The following CNBD1 variants were observed in gnomAD, a reference collection of about 807,000 sequenced individuals.
CNBD1 encodes cyclic nucleotide binding domain containing 1.
In CNBD1, 71 loss-of-function variants were observed where a neutral mutation model predicts 54.4. That is an observed-to-expected ratio of 1.30 (90% CI 1.08 to 1.59). The LOEUF is 1.59. Among genes scored for constraint, CNBD1 ranks in the 40% most tolerant of loss-of-function variants. CNBD1 has a pLI of 0.00. For missense variants in CNBD1, 659 were observed against 518.0 expected, an observed-to-expected ratio of 1.27 and a Z score of -2.64; for synonymous variants, 182 against 170.7, an observed-to-expected ratio of 1.07 and a Z score of -0.51.
intron 8 of CNBD1, among the ~76,000 whole-genome samples, chr8:87,327,338 C>A (rs554584075): frequency 6.7e-6 from 1 of 150,260 alleles, no homozygotes; most frequent in African/African-American, 2.5e-5. Flanking sequence ...CCACCCAGTT[C>A]GAGCTTCCCG....
chr8:86,885,686 T>C (rs539065728), intron 1 of CNBD1, among the ~76,000 whole-genome samples: 1 of 152,324 alleles, frequency 6.6e-6, no homozygotes, highest in Admixed American at 6.5e-5. Context: ...CAAGATCCAT[T>C]ATGTTGCTCA....
chr8:87,016,757 A>C (rs1458751341), intron 4 of CNBD1, among the ~76,000 whole-genome samples: 1 of 152,204 alleles, frequency 6.6e-6, no homozygotes, highest in Non-Finnish European at 1.5e-5. Context: ...GATGCACAGG[A>C]AGCTATTCCT....
intron 10 of CNBD1, among the ~76,000 whole-genome samples, chr8:87,371,826 C>T (rs1163505840): frequency 5.9e-5 from 9 of 151,940 alleles, no homozygotes; most frequent in Admixed American, 3.3e-4. Flanking sequence ...TAGGTATTGA[C>T]AGGACATATC....
At chr8:87,003,790 T>C (rs1809040382) in intron 4 of CNBD1, among the ~76,000 whole-genome samples, 1 of 152,114 alleles carries the variant, frequency 6.6e-6, no homozygotes, top group East Asian at 1.9e-4. Flanking sequence ...CTGGCTGTGG[T>C]AACAGTGGGC....
intron 4 of CNBD1, among the ~76,000 whole-genome samples, chr8:87,132,230 A>C (rs1245656357): frequency 6.6e-6 from 1 of 151,902 alleles, no homozygotes; most frequent in Admixed American, 6.6e-5. Context: ...AATACATATA[A>C]TTAATGGCAC....
At chr8:87,109,657 G>C (rs1036807616) in intron 4 of CNBD1, among the ~76,000 whole-genome samples, 8 of 150,744 alleles carry the variant, frequency 5.3e-5, no homozygotes, top group African/African-American at 2.0e-4. Context: ...TCCTGCCTCA[G>C]CCTCCCGAGT....
chr8:87,351,907 T>G, intron 9 of CNBD1, 113 bp downstream of exon 9: 3 of 1,125,142 alleles, frequency 2.7e-6, no homozygotes, highest in Non-Finnish European at 3.4e-6. Context: ...GTGAAATTTC[T>G]ATTCAATTTT....
intron 4 of CNBD1, among the ~76,000 whole-genome samples, chr8:87,118,487 G>T (rs1811823679): frequency 6.6e-6 from 1 of 152,084 alleles, no homozygotes; most frequent in Non-Finnish European, 1.5e-5. Flanking sequence ...TGATAACTGA[G>T]AAATTAATCC....
intron 4 of CNBD1, among the ~76,000 whole-genome samples, chr8:87,096,142 A>G (rs1216131568): frequency 6.6e-6 from 1 of 152,174 alleles, no homozygotes; most frequent in Non-Finnish European, 1.5e-5. Flanking sequence ...CAGTGGCTGT[A>G]TTAGCTTGGG....
intron 5 of CNBD1, among the ~76,000 whole-genome samples, chr8:87,228,246 A>G (rs1053986611): frequency 1.3e-5 from 2 of 150,840 alleles, no homozygotes; most frequent in Admixed American, 1.3e-4. Flanking sequence ...CAGCTCGTCA[A>G]AGTCCTTCTC....
intron 2 of CNBD1, among the ~76,000 whole-genome samples, chr8:86,889,120 T>C (rs1018349695): frequency 6.6e-6 from 1 of 152,188 alleles, no homozygotes; most frequent in Non-Finnish European, 1.5e-5. Flanking sequence ...ATGTGTTCTT[T>C]TGGAGCACTG....
At chr8:87,187,776 T>C (rs1345918989) in intron 4 of CNBD1, among the ~76,000 whole-genome samples, 1 of 152,190 alleles carries the variant, frequency 6.6e-6, no homozygotes, top group African/African-American at 2.4e-5. Flanking sequence ...AATTACATAA[T>C]TCATTATAAT....
At chr8:87,354,685 C>A (rs1163761021) in intron 10 of CNBD1, among the ~76,000 whole-genome samples, 1 of 151,688 alleles carries the variant, frequency 6.6e-6, no homozygotes, top group Admixed American at 6.6e-5. Context: ...TGATAGTTTG[C>A]TGAGAATGAT....
At chr8:87,424,820 A>C (rs557976095) in intron 2 of CNBD1, among the ~76,000 whole-genome samples, 1 of 151,994 alleles carries the variant, frequency 6.6e-6, no homozygotes, top group Non-Finnish European at 1.5e-5. Flanking sequence ...CTTCTCCAGG[A>C]GTATCTTTGT....
chr8:86,989,304 A>AATAAATACATACATAC lies in CNBD1; in HGVS notation c.431+49553_431+49554insAATACATACATACATA, dbSNP rs1554637046. Among the ~76,000 whole-genome samples, 154 of 149,258 alleles carry AATAAATACATACATAC rather than the reference A, an allele frequency of 1.0e-3. 1 individual carries two copies. Among genetic ancestry groups the AATAAATACATACATAC allele is most frequent in the African/African-American group, 3.3e-3 (135 of 40,350 alleles). ...GCAAGACAGCATCTCAAAACAAATA[A>AATAAATACATACATAC]ATACATACATACATACATACATACA... is the stretch of plus-strand genomic sequence containing the variant. On this transcript the variant is annotated intron_variant, in intron 4 of 10. Coordinates refer to ENST00000518476, the MANE Select transcript of CNBD1 (RefSeq NM_173538.3).
intron 4 of CNBD1, among the ~76,000 whole-genome samples, chr8:87,084,215 T>G (rs1811054650): frequency 6.6e-6 from 1 of 152,236 alleles, no homozygotes; most frequent in Non-Finnish European, 1.5e-5. Flanking sequence ...AGTAGTGTCT[T>G]ATAAAGACAT....
intron 4 of CNBD1, among the ~76,000 whole-genome samples, chr8:87,144,429 T>G (rs1178114180): frequency 6.6e-6 from 1 of 152,298 alleles, no homozygotes; most frequent in East Asian, 1.9e-4. Flanking sequence ...AAATTTAAGA[T>G]ATAAATTACT....
chr8:87,031,497 A>G (rs1809790405), intron 4 of CNBD1, among the ~76,000 whole-genome samples: 1 of 152,004 alleles, frequency 6.6e-6, no homozygotes, highest in South Asian at 2.1e-4. Context: ...ATTTTCCACT[A>G]TTTTTTCAGA....
intron 8 of CNBD1, among the ~76,000 whole-genome samples, chr8:87,320,252 C>A (rs1049237214): frequency 2.0e-5 from 3 of 152,050 alleles, no homozygotes; most frequent in Non-Finnish European, 4.4e-5. Context: ...AAGGACATAA[C>A]TAATTGTGTT....
Sources: allele counts gnomAD v4.1 joint callset (sites outside exome capture counted in the v4.1 genomes callset), GRCh38; gene constraint gnomAD v4.1.1; transcripts MANE v1.5; gene names NCBI Gene and HGNC (gene_info 2026-07-23, HGNC 2026-07-21).